Variants in MCPH1 observed in about 807,000 individuals in gnomAD.
The protein encoded by MCPH1 is microcephalin 1, also known as microcephalin.
MCPH1 carries 104 observed loss-of-function variants against 84.5 expected under a neutral mutation model. The ratio of observed to expected loss-of-function variants is 1.23; its 90% CI spans 1.05 to 1.45. The LOEUF is 1.45. MCPH1 is among the 40% of genes most tolerant of loss of function. The pLI, the probability that MCPH1 is intolerant of heterozygous loss-of-function variation, is 0.00. For missense variants in MCPH1, 1,498 were observed against 1,005.7 expected (o/e 1.49, Z -6.62); for synonymous variants, 514 against 366.8 (o/e 1.40, Z -4.58).
At chr8:6,471,031 C>G (rs1386763483) in intron 9 of MCPH1, among the ~76,000 whole-genome samples, 4 of 152,060 alleles carry the variant, frequency 2.6e-5, no homozygotes, top group Admixed American at 1.3e-4. Context: ...ATCGAAGGTC[C>G]TTTTTTTTCA....
intron 12 of MCPH1, among the ~76,000 whole-genome samples, chr8:6,534,156 C>T (rs1359767871): frequency 6.6e-6 from 1 of 152,018 alleles, no homozygotes; most frequent in Non-Finnish European, 1.5e-5. Context: ...GTCAGCCCTC[C>T]ATCTGTGGCC....
intron 13 of MCPH1, chr8:6,625,776 C>A (rs1451165372): frequency 3.5e-5 from 34 of 981,734 alleles, no homozygotes; most frequent in Non-Finnish European, 4.1e-5. Flanking sequence ...AGAGCAAGAC[C>A]CCATCTCTAA....
intron 13 of MCPH1, among the ~76,000 whole-genome samples, chr8:6,623,354 A>G (rs551846587): frequency 3.5e-5 from 5 of 142,534 alleles, no homozygotes; most frequent in East Asian, 4.2e-4. Flanking sequence ...CTCTCTCTCA[A>G]TCTCTCTCTC....
Position 6,623,688 on chromosome 8 carries a change from CA to C in MCPH1, c.2452+2027del, listed in dbSNP as rs377522481. On this transcript the variant is annotated intron_variant, in intron 13 of 13. Coordinates refer to ENST00000344683, the MANE Select transcript of MCPH1 (RefSeq NM_024596.5). ...CATCTTTTGCCTGGAAACCAACTTCCAAAAAAAAAAAAAAAAAAAAAAAAAA... is the reference window on the plus strand; with the variant it reads ...CATCTTTTGCCTGGAAACCAACTTCCAAAAAAAAAAAAAAAAAAAAAAAAA... Among the ~76,000 whole-genome samples the C allele has an allele frequency of 6.7e-3, 622 of 92,236 alleles. 44 individuals carry two copies. In the East Asian group the frequency reaches 0.095, roughly 14 times the overall value. 60.5% of individuals were successfully genotyped at this position (92,236 alleles called of 152,430 possible).
chr8:6,600,491 C>T (rs1829273725), intron 12 of MCPH1, among the ~76,000 whole-genome samples: 3 of 152,214 alleles, frequency 2.0e-5, no homozygotes, highest in South Asian at 4.1e-4. Context: ...CGGCACTGGC[C>T]ACCCTTGGCG....
At chr8:6,576,254 C>T (rs1031034940) in intron 12 of MCPH1, among the ~76,000 whole-genome samples, 7 of 152,046 alleles carry the variant, frequency 4.6e-5, no homozygotes, top group Non-Finnish European at 8.8e-5. Context: ...TACTAAGGCT[C>T]GTTAATTGCA....
At chr8:6,475,433 G>A (rs1808319796) in intron 9 of MCPH1, among the ~76,000 whole-genome samples, 1 of 152,208 alleles carries the variant, frequency 6.6e-6, no homozygotes, top group South Asian at 2.1e-4. Flanking sequence ...ATGACTGCCT[G>A]ACCATCGCTC....
Position 6,417,004 on chromosome 8 carries a change from G to T in MCPH1, c.233+2121G>T, listed in dbSNP as rs192546685. Among the ~76,000 whole-genome samples, 32 of 151,938 alleles carry T rather than the reference G, an allele frequency of 2.1e-4. No individual in the cohort carries two copies. In the East Asian group the frequency reaches 6.2e-3, roughly 29 times the overall value. ...AGCGGGGAAAAAAAAAAAAGAGTAAGGGGTCCTTCTCTGGCTTTTGTCAAG... is the reference window on the plus strand; with the variant it reads ...AGCGGGGAAAAAAAAAAAAGAGTAATGGGTCCTTCTCTGGCTTTTGTCAAG... On this transcript the variant is annotated intron_variant, in intron 3 of 13. Coordinates refer to ENST00000344683, the MANE Select transcript of MCPH1 (RefSeq NM_024596.5).
In MCPH1 at chr8:6,578,878, C is replaced by A. The variant is rs1343115553; in HGVS notation, c.2215-42576C>A. Among the ~76,000 whole-genome samples the A allele has an allele frequency of 2.6e-5, 4 of 152,202 alleles. No homozygotes were observed. In the South Asian group the frequency reaches 8.3e-4, roughly 32 times the overall value. On this transcript the variant is annotated intron_variant, in intron 12 of 13. Coordinates refer to ENST00000344683, the MANE Select transcript of MCPH1 (RefSeq NM_024596.5). ...GGTTCAACGTTGGGAGCACAGGTTG[C>A]TTCTCTGGCCCATGTTATTCCTGGA...
rs1373919450 is a variant in MCPH1, at chr8:6,591,824, C to G, written c.2215-29630C>G. On this transcript the variant is annotated intron_variant, in intron 12 of 13. Coordinates refer to ENST00000344683, the MANE Select transcript of MCPH1 (RefSeq NM_024596.5). ...TCCTCATTTTGACCCTTGGCATACTCTATATTTGTTGAAATACAAAAAAAG... is the reference window on the plus strand; with the variant it reads ...TCCTCATTTTGACCCTTGGCATACTGTATATTTGTTGAAATACAAAAAAAG... Among the ~76,000 whole-genome samples, 9 of 152,236 alleles carry G rather than the reference C, an allele frequency of 5.9e-5. No individual in the cohort carries two copies. The South Asian group carries it at 1.0e-3, about 18-fold the overall frequency.
chr8:6,507,362 T>A (rs1813956784), intron 12 of MCPH1, among the ~76,000 whole-genome samples: 1 of 152,206 alleles, frequency 6.6e-6, no homozygotes, highest in Non-Finnish European at 1.5e-5. Flanking sequence ...TCTCTAGAAA[T>A]TAAACCCTGC....
intron 9 of MCPH1, among the ~76,000 whole-genome samples, chr8:6,462,646 C>G (rs976461222): frequency 3.3e-5 from 5 of 152,180 alleles, no homozygotes; most frequent in Admixed American, 2.6e-4. Flanking sequence ...TCAGTCCCAT[C>G]TCTGTTACTC....
intron 12 of MCPH1, 52 bp from the exon 13 acceptor site, chr8:6,621,402 T>G (rs1184294671): frequency 3.7e-6 from 6 of 1,607,284 alleles, no homozygotes; most frequent in Non-Finnish European, 4.3e-6. Flanking sequence ...GCCTACGCTA[T>G]GGAGACTGGA....
chr8:6,498,495 T>C (rs144558973), intron 11 of MCPH1, among the ~76,000 whole-genome samples: 6 of 152,386 alleles, frequency 3.9e-5, no homozygotes, highest in African/African-American at 1.4e-4. Flanking sequence ...AACTCTACTT[T>C]AGCTTCTTAT....
chr8:6,459,700 T>A (rs1314048604), intron 9 of MCPH1, among the ~76,000 whole-genome samples: 2 of 152,218 alleles, frequency 1.3e-5, no homozygotes, highest in African/African-American at 2.4e-5. Flanking sequence ...GAAACTCAGA[T>A]GTGTCCCGTG....
chr8:6,468,650 T>TG (rs1316509013), intron 9 of MCPH1, among the ~76,000 whole-genome samples: 17 of 149,034 alleles, frequency 1.1e-4, no homozygotes, highest in Admixed American at 4.6e-4. Flanking sequence ...TTTTTGGTTT[T>TG]TTTTTTTTTT....
At chr8:6,509,170 T>G in intron 12 of MCPH1, 1 of 1,387,962 alleles carries the variant, frequency 7.2e-7, no homozygotes, top group East Asian at 2.3e-5. Context: ...TGTTCTGTAC[T>G]CGTTAATGGA....
chr8:6,492,154 T>G (rs959238886), intron 11 of MCPH1, among the ~76,000 whole-genome samples: 1 of 152,252 alleles, frequency 6.6e-6, no homozygotes, highest in African/African-American at 2.4e-5. Flanking sequence ...TCCTGACTTT[T>G]TAATGATCGC....
intron 12 of MCPH1, among the ~76,000 whole-genome samples, chr8:6,578,053 C>T (rs1384357911): frequency 6.6e-6 from 1 of 152,198 alleles, no homozygotes; most frequent in African/African-American, 2.4e-5. Context: ...GAGAGCCTCA[C>T]TCCCCTGCTC....
Sources: gnomAD v4.1 joint callset for allele counts (sites outside exome capture counted in the v4.1 genomes callset) on GRCh38, gnomAD v4.1.1 for gene constraint, MANE v1.5 for transcripts, NCBI Gene and HGNC (gene_info 2026-07-23, HGNC 2026-07-21) for gene names.